Variants in ELAVL4 observed in about 807,000 individuals in gnomAD.
ELAVL4 encodes the protein ELAV like RNA binding protein 4.
Under a neutral mutation model 35.6 loss-of-function variants are expected in ELAVL4, and 1 was observed. The ratio of observed to expected loss-of-function variants is 0.03; its 90% CI spans 0.01 to 0.13. ELAVL4 has a LOEUF of 0.13. ELAVL4 is among the 10% of genes least tolerant of loss of function. ELAVL4 has a pLI of 1.00. For synonymous variants in ELAVL4, 156 were observed against 171.0 expected (o/e 0.91, Z 0.69); for missense variants, 267 against 464.9 (o/e 0.57, Z 3.91).
At chr1:50,048,175 A>G in exon 1 of ELAVL4, 2 of 1,523,216 alleles carry the variant, frequency 1.3e-6, no homozygotes, top group Non-Finnish European at 8.8e-7. Flanking sequence ...ATGCGCCTCA[A>G]GAACCAGGTA....
intron 1 of ELAVL4, among the ~76,000 whole-genome samples, chr1:50,118,933 C>A (rs1333776167): frequency 2.3e-5 from 2 of 88,052 alleles, no homozygotes; most frequent in Non-Finnish European, 2.0e-5. Flanking sequence ...AGGTCCTATG[C>A]TAAAAAAAGA....
At chr1:50,123,297 A>C (rs548962818) in intron 1 of ELAVL4, among the ~76,000 whole-genome samples, 1 of 152,134 alleles carries the variant, frequency 6.6e-6, no homozygotes, top group East Asian at 1.9e-4. Context: ...AATATTTACC[A>C]AGTGGCTCAG....
chr1:50,050,722 T>A (rs955098983), intron 1 of ELAVL4, among the ~76,000 whole-genome samples: 2 of 152,118 alleles, frequency 1.3e-5, no homozygotes, highest in Non-Finnish European at 2.9e-5. Context: ...TAAAAAAAAT[T>A]GAAATGTTTT....
intron 4 of ELAVL4, among the ~76,000 whole-genome samples, chr1:50,194,129 G>C (rs191044538): frequency 6.6e-6 from 1 of 152,292 alleles, no homozygotes; most frequent in African/African-American, 2.4e-5. Flanking sequence ...CATGGGACTT[G>C]TTTTAGCAGC....
At chr1:50,118,152 A>G (rs900496054) in intron 1 of ELAVL4, among the ~76,000 whole-genome samples, 1 of 152,106 alleles carries the variant, frequency 6.6e-6, no homozygotes, top group African/African-American at 2.4e-5. Flanking sequence ...CTGTCTGTAT[A>G]TTGTAACTTG....
chr1:50,102,046 G>C (rs1666003245), upstream of ELAVL4, among the ~76,000 whole-genome samples: 1 of 152,154 alleles, frequency 6.6e-6, no homozygotes, highest in South Asian at 2.1e-4. Flanking sequence ...CCAGCACTTG[G>C]GGAGGCCGTG....
chr1:50,146,310 A>G (rs960057325), intron 2 of ELAVL4, among the ~76,000 whole-genome samples: 5 of 152,212 alleles, frequency 3.3e-5, no homozygotes, highest in Middle Eastern at 3.2e-3. Flanking sequence ...TTATAAATTA[A>G]GTAGTTTGCA....
intron 3 of ELAVL4, among the ~76,000 whole-genome samples, chr1:50,184,780 C>T (rs1395476597): frequency 6.6e-6 from 1 of 152,116 alleles, no homozygotes; most frequent in Non-Finnish European, 1.5e-5. Context: ...CAGATGAACT[C>T]ATAAGGGATG....
intron 1 of ELAVL4, among the ~76,000 whole-genome samples, chr1:50,097,920 G>A (rs1368951115): frequency 1.3e-5 from 2 of 152,072 alleles, no homozygotes; most frequent in Non-Finnish European, 2.9e-5. Context: ...GTACCCATGT[G>A]CTAACAAATA....
intron 3 of ELAVL4, among the ~76,000 whole-genome samples, chr1:50,192,351 T>A (rs1049561015): frequency 1.3e-5 from 2 of 151,522 alleles, no homozygotes; most frequent in Non-Finnish European, 2.9e-5. Context: ...AGGGGGAGAG[T>A]GCCATGGATG....
At chr1:50,124,470 G>A (rs908927267) in intron 1 of ELAVL4, among the ~76,000 whole-genome samples, 6 of 152,090 alleles carry the variant, frequency 3.9e-5, no homozygotes, top group Non-Finnish European at 7.4e-5. Flanking sequence ...CGTAGTTTAA[G>A]TAACTTGTAC....
intron 1 of ELAVL4, among the ~76,000 whole-genome samples, chr1:50,088,373 AT>A (rs1665341301): frequency 6.6e-6 from 1 of 152,182 alleles, no homozygotes; most frequent in East Asian, 1.9e-4. Context: ...TGACTTATTC[AT>A]TAACATTTGT....
At chr1:50,182,031 C>CA (rs2148846627) in intron 3 of ELAVL4, among the ~76,000 whole-genome samples, 1 of 152,370 alleles carries the variant, frequency 6.6e-6, no homozygotes, top group South Asian at 2.1e-4. Flanking sequence ...TTAGACTCTG[C>CA]AAATGGCTGT....
Position 50,133,872 on chromosome 1 carries a change from T to G in ELAVL4, c.10-11085T>G, listed in dbSNP as rs192606473. On this transcript the variant is annotated intron_variant, in intron 1 of 6. Coordinates refer to ENST00000371824, the MANE Select transcript of ELAVL4 (RefSeq NM_001144774.3). ...ATTGAGGTGCTAAGAACCATTTTAT[T>G]TCACTTATTATCTTCACCTTCAGAA... Among the ~76,000 whole-genome samples the G allele has an allele frequency of 5.5e-4, 83 of 152,226 alleles. 1 individual carries two copies. In the East Asian group the frequency reaches 0.014, roughly 26 times the overall value.
At chr1:50,150,811 G>T (rs562112751) in intron 2 of ELAVL4, among the ~76,000 whole-genome samples, 11 of 152,284 alleles carry the variant, frequency 7.2e-5, no homozygotes, top group African/African-American at 2.6e-4. Flanking sequence ...CAGCCCCAAG[G>T]TGAGTTTATT....
At chr1:50,147,586 T>G (rs1572395939) in intron 2 of ELAVL4, among the ~76,000 whole-genome samples, 1 of 151,576 alleles carries the variant, frequency 6.6e-6, no homozygotes, top group Admixed American at 6.6e-5. Context: ...CTGGAAGAGG[T>G]GAGGTATATC....
chr1:50,067,545 A>C (rs1664319796), intron 1 of ELAVL4, among the ~76,000 whole-genome samples: 3 of 152,238 alleles, frequency 2.0e-5, no homozygotes, highest in Non-Finnish European at 4.4e-5. Context: ...GTAGTCAGAA[A>C]GATATAGGTA....
At chr1:50,056,961 TA>T (rs900732030) in intron 1 of ELAVL4, among the ~76,000 whole-genome samples, 3 of 152,066 alleles carry the variant, frequency 2.0e-5, no homozygotes, top group Non-Finnish European at 4.4e-5. Context: ...CTACTTATTT[TA>T]AAAAATAGTT....
intron 1 of ELAVL4, among the ~76,000 whole-genome samples, chr1:50,132,828 A>T (rs1671088356): frequency 6.6e-6 from 1 of 152,176 alleles, no homozygotes; most frequent in South Asian, 2.1e-4. Flanking sequence ...CTGTATTCTC[A>T]CTGTAAAAAC....
Sources: allele counts gnomAD v4.1 joint callset (sites outside exome capture counted in the v4.1 genomes callset), GRCh38; gene constraint gnomAD v4.1.1; transcripts MANE v1.5; gene names NCBI Gene and HGNC (gene_info 2026-07-23, HGNC 2026-07-21).